Variants in LEKR1 observed in about 807,000 individuals in gnomAD.
The protein encoded by LEKR1 is protein LEKR1.
Under a neutral mutation model 72.4 loss-of-function variants are expected in LEKR1, and 59 were observed. The observed-to-expected ratio is 0.82, with a 90% CI of 0.66 to 1.01. The LOEUF is 1.01. Ranked by LOEUF, LEKR1 falls within the 50% of genes least tolerant of loss-of-function variation. LEKR1 has a pLI of 0.00. For missense variants in LEKR1, 728 were observed against 759.2 expected, an observed-to-expected ratio of 0.96 and a Z score of 0.48; for synonymous variants, 257 against 263.2, an observed-to-expected ratio of 0.98 and a Z score of 0.23.
intron 9 of LEKR1, among the ~76,000 whole-genome samples, chr3:157,008,534 T>C (rs1411987666): frequency 5.3e-5 from 8 of 152,242 alleles, no homozygotes; most frequent in Admixed American, 1.3e-4. Flanking sequence ...TGAAGTTTTC[T>C]TTTGCTTCTT....
At chr3:156,919,746 T>G (rs569329077) in intron 3 of LEKR1, among the ~76,000 whole-genome samples, 4 of 152,206 alleles carry the variant, frequency 2.6e-5, no homozygotes, top group Non-Finnish European at 5.9e-5. Context: ...CATGATGTAT[T>G]AGATCAAGTT....
chr3:156,836,521 T>C (rs759711311), intron 2 of LEKR1, among the ~76,000 whole-genome samples: 6 of 152,236 alleles, frequency 3.9e-5, no homozygotes, highest in Non-Finnish European at 7.3e-5. Flanking sequence ...CTTTTAACCA[T>C]AGAGCTTCGT....
At chr3:157,004,898 C>A (rs377114868) in intron 9 of LEKR1, among the ~76,000 whole-genome samples, 1 of 151,606 alleles carries the variant, frequency 6.6e-6, no homozygotes, top group Non-Finnish European at 1.5e-5. Flanking sequence ...GAAAAACAGA[C>A]GAGGAAAAAA....
intron 3 of LEKR1, among the ~76,000 whole-genome samples, chr3:156,855,519 A>T (rs190188457): frequency 1.7e-4 from 26 of 152,204 alleles, no homozygotes; most frequent in Middle Eastern, 3.4e-3. Flanking sequence ...TATTGGCATT[A>T]TACTGTGTTT....
chr3:156,968,984 G>A (rs1395534393), intron 6 of LEKR1, among the ~76,000 whole-genome samples: 1 of 152,080 alleles, frequency 6.6e-6, no homozygotes, highest in Non-Finnish European at 1.5e-5. Context: ...ACTCAAAACT[G>A]CTCAACTATA....
At chr3:156,871,226 G>A (rs1011882839) in intron 3 of LEKR1, among the ~76,000 whole-genome samples, 17 of 151,854 alleles carry the variant, frequency 1.1e-4, no homozygotes, top group Admixed American at 2.6e-4. Flanking sequence ...TTGTTCTTGC[G>A]ATAGTTTACT....
intron 3 of LEKR1, among the ~76,000 whole-genome samples, chr3:156,901,536 C>T (rs1381679933): frequency 6.6e-6 from 1 of 151,966 alleles, no homozygotes; most frequent in East Asian, 1.9e-4. Context: ...TTTAGTTTTC[C>T]TTTTTCTCTC....
chr3:156,949,593 T>A (rs1726978171), intron 6 of LEKR1, among the ~76,000 whole-genome samples: 1 of 151,122 alleles, frequency 6.6e-6, no homozygotes, highest in African/African-American at 2.4e-5. Flanking sequence ...TTTGCATAAG[T>A]TAAACTCCTC....
Position 157,045,490 on chromosome 3 carries a change from C to G in LEKR1, c.1819C>G (p.Leu607Val), listed in dbSNP as rs73873779. 2.8e-5 allele frequency: 45 copies of G among 1,613,910 alleles called. No individual in the cohort carries two copies. The South Asian group carries it at 4.6e-4, about 17-fold the overall frequency. ...ACCGTGTTCCCTCAGCAAGGGCAGC[C>G]TAACCTCCCCTGCTGCAGCAGTCAG... ...FSPCSLSKGSLTSPAAAVSNH... is the reference protein window; with the variant it reads ...FSPCSLSKGSVTSPAAAVSNH... The change falls in exon 13 of 13, where the codon CTA becomes GTA. Residue 607 changes from leucine to valine, a missense_variant. Physicochemically the swap from Leu to Val is conservative, Grantham distance 32 (BLOSUM62 1). Transcript: ENST00000356539.
chr3:156,889,737 G>T (rs576789542), intron 3 of LEKR1, among the ~76,000 whole-genome samples: 1 of 152,012 alleles, frequency 6.6e-6, no homozygotes, highest in Non-Finnish European at 1.5e-5. Flanking sequence ...CTTTTTCTTG[G>T]TAATGTCATT....
chr3:156,996,581 G>T (rs937580383), intron 9 of LEKR1, among the ~76,000 whole-genome samples: 1 of 152,208 alleles, frequency 6.6e-6, no homozygotes, highest in Non-Finnish European at 1.5e-5. Flanking sequence ...GAAGGTATTG[G>T]CAATGGGAGC....
At chr3:156,886,202 G>A (rs940604509) in intron 3 of LEKR1, among the ~76,000 whole-genome samples, 5 of 152,026 alleles carry the variant, frequency 3.3e-5, no homozygotes, top group African/African-American at 1.2e-4. Flanking sequence ...GGCTGCCTCT[G>A]ATGCATAATA....
At chr3:156,976,398 C>A (rs1370378948) in intron 6 of LEKR1, among the ~76,000 whole-genome samples, 2 of 151,982 alleles carry the variant, frequency 1.3e-5, no homozygotes, top group African/African-American at 2.4e-5. Context: ...AGGATCATAT[C>A]CTGACAAAAG....
intron 3 of LEKR1, among the ~76,000 whole-genome samples, chr3:156,894,122 G>T (rs1020594145): frequency 2.0e-5 from 3 of 152,180 alleles, no homozygotes; most frequent in Non-Finnish European, 4.4e-5. Context: ...CTTCATCTTG[G>T]TCAGGAGTAT....
chr3:156,919,323 T>G (rs1304047845), intron 3 of LEKR1, among the ~76,000 whole-genome samples: 1 of 152,088 alleles, frequency 6.6e-6, no homozygotes, highest in African/African-American at 2.4e-5. Context: ...CCCTAATCTA[T>G]AGATTGAATT....
At chr3:156,986,278 A>G (rs1350079095) in intron 7 of LEKR1, among the ~76,000 whole-genome samples, 2 of 152,202 alleles carry the variant, frequency 1.3e-5, no homozygotes, top group African/African-American at 4.8e-5. Flanking sequence ...AAGGAGAGCA[A>G]TGGGAAGCTT....
chr3:156,961,269 A>T (rs867448457), intron 6 of LEKR1, among the ~76,000 whole-genome samples: 4 of 152,248 alleles, frequency 2.6e-5, no homozygotes, highest in Admixed American at 6.5e-5. Flanking sequence ...AAACAGCTTT[A>T]CAGAGATAAA....
intron 10 of LEKR1, among the ~76,000 whole-genome samples, chr3:157,019,302 G>C (rs1157389169): frequency 2.6e-5 from 4 of 152,024 alleles, no homozygotes; most frequent in Non-Finnish European, 5.9e-5. Context: ...ACCTCGCTTG[G>C]AAAATAGTGA....
chr3:156,843,568 C>T (rs1327310121), intron 2 of LEKR1, among the ~76,000 whole-genome samples: 1 of 152,130 alleles, frequency 6.6e-6, no homozygotes, highest in African/African-American at 2.4e-5. Context: ...ATAACAATCC[C>T]TTTCCCCAGC....
Sources: gnomAD v4.1 joint callset for allele counts (sites outside exome capture counted in the v4.1 genomes callset) on GRCh38, gnomAD v4.1.1 for gene constraint, MANE v1.5 for transcripts, NCBI Gene and HGNC (gene_info 2026-07-23, HGNC 2026-07-21) for gene names.